Variants in IMMP2L observed in about 807,000 individuals in gnomAD.
IMMP2L encodes mitochondrial inner membrane protease subunit 2.
A neutral mutation model predicts 19.3 loss-of-function variants in IMMP2L; 18 were observed. The ratio of observed to expected loss-of-function variants is 0.93; its 90% CI spans 0.64 to 1.38. The LOEUF (loss-of-function observed/expected upper bound fraction) is 1.38. IMMP2L is among the 40% of genes most tolerant of loss of function. IMMP2L has a pLI of 0.00. For missense variants in IMMP2L, 233 were observed against 218.2 expected, an observed-to-expected ratio of 1.07 and a Z score of -0.43; for synonymous variants, 76 against 73.0, an observed-to-expected ratio of 1.04 and a Z score of -0.21.
intron 3 of IMMP2L, among the ~76,000 whole-genome samples, chr7:111,317,238 A>T (rs1981713): frequency 1.3e-5 from 2 of 152,100 alleles, no homozygotes; most frequent in African/African-American, 2.4e-5. Flanking sequence ...GTACCCACTC[A>T]GGCCTACCTC....
intron 3 of IMMP2L, among the ~76,000 whole-genome samples, chr7:111,012,112 T>C (rs1196694217): frequency 2.0e-5 from 3 of 152,074 alleles, no homozygotes; most frequent in African/African-American, 4.8e-5. Flanking sequence ...TTCTATTAGT[T>C]GAGGAGCTGA....
chr7:111,124,216 G>C (rs1801010302), intron 3 of IMMP2L: 1 of 1,613,910 alleles, frequency 6.2e-7, no homozygotes, highest in Non-Finnish European at 8.5e-7. Context: ...GGGAACACTA[G>C]ATATAAATGG....
chr7:111,370,277 A>G lies in IMMP2L; in HGVS notation c.239+116961T>C, dbSNP rs551392978. ...GGAGAGAGTCAGTGAGTCATTCTCT[A>G]TGATCCTTAATTTCCCCTCCAGTAA... On this transcript the variant is annotated intron_variant, in intron 3 of 5. Coordinates refer to ENST00000405709, the MANE Select transcript of IMMP2L (RefSeq NM_032549.4). Among the ~76,000 whole-genome samples, 68 of 152,056 alleles carry G rather than the reference A, an allele frequency of 4.5e-4. No homozygotes were observed. The South Asian group carries it at 0.014, about 31-fold the overall frequency.
intron 3 of IMMP2L, among the ~76,000 whole-genome samples, chr7:111,139,369 A>G (rs993818713): frequency 1.3e-5 from 2 of 152,130 alleles, no homozygotes; most frequent in Admixed American, 1.3e-4. Flanking sequence ...TTCAACAAGT[A>G]TTTACTGCCA....
chr7:111,384,320 A>G (rs1027257881), intron 3 of IMMP2L, among the ~76,000 whole-genome samples: 1 of 148,808 alleles, frequency 6.7e-6, no homozygotes, highest in Admixed American at 6.7e-5. Context: ...GGAAAAGGAG[A>G]AGGAGGAGGG....
chr7:110,839,682 T>C (rs1056010337), intron 5 of IMMP2L, among the ~76,000 whole-genome samples: 31 of 152,136 alleles, frequency 2.0e-4, no homozygotes, highest in Admixed American at 2.6e-4. Flanking sequence ...TATGTATGTG[T>C]TCCTATATTA....
intron 5 of IMMP2L, among the ~76,000 whole-genome samples, chr7:110,825,548 C>G (rs188869560): frequency 0.019 from 2,942 of 152,222 alleles, 62 homozygotes; most frequent in Non-Finnish European, 0.022. Context: ...CTACAACCAT[C>G]TGATCTTTGA....
intron 3 of IMMP2L, among the ~76,000 whole-genome samples, chr7:111,017,938 A>G (rs1825872133): frequency 6.6e-6 from 1 of 152,246 alleles, no homozygotes; most frequent in Non-Finnish European, 1.5e-5. Context: ...TCCCAAAGCA[A>G]CAAACCTACT....
chr7:110,699,603 T>G (rs1231095591), intron 5 of IMMP2L, among the ~76,000 whole-genome samples: 1 of 151,988 alleles, frequency 6.6e-6, no homozygotes, highest in Non-Finnish European at 1.5e-5. Context: ...AAACCTCATC[T>G]CTACTAAAAA....
At chr7:110,881,799 T>C (rs191727426) in intron 5 of IMMP2L, among the ~76,000 whole-genome samples, 12 of 149,272 alleles carry the variant, frequency 8.0e-5, no homozygotes, top group Non-Finnish European at 1.6e-4. Context: ...CTGAAACCCA[T>C]TAACCACTCT....
intron 3 of IMMP2L, among the ~76,000 whole-genome samples, chr7:111,281,160 A>AAGAC (rs1296967788): frequency 6.2e-3 from 129 of 20,868 alleles, no homozygotes; most frequent in South Asian, 0.016. Context: ...GAAAGACAGA[A>AAGAC]AGAAAGAAAG....
At chr7:111,555,704 A>G (rs1791210395) in intron 1 of IMMP2L, among the ~76,000 whole-genome samples, 1 of 151,978 alleles carries the variant, frequency 6.6e-6, no homozygotes, top group Non-Finnish European at 1.5e-5. Flanking sequence ...AGGTTTACCT[A>G]TCTTATGGCA....
chr7:111,031,429 T>C lies in IMMP2L; in HGVS notation c.240-67864A>G, dbSNP rs9640737. Among the ~76,000 whole-genome samples the C allele has an allele frequency of 7.0e-5, 7 of 99,336 alleles. No homozygotes were observed. In the East Asian group the frequency reaches 9.1e-4, roughly 13 times the overall value. The allele number at this position is 99,336 out of a possible 152,430, so 65.2% of individuals were successfully genotyped here. On this transcript the variant is annotated intron_variant, in intron 3 of 5. Transcript: ENST00000405709. ...GTGTGAGAGAAAGAGAAATCCTATA[T>C]TGATGTGGATATGTCAAAGGGACAC...
At chr7:111,063,019 C>T (rs2129574633) in intron 3 of IMMP2L, among the ~76,000 whole-genome samples, 1 of 152,356 alleles carries the variant, frequency 6.6e-6, no homozygotes, top group Middle Eastern at 3.4e-3. Context: ...CTCCACTAGG[C>T]AGTGCCCCAG....
intron 3 of IMMP2L, among the ~76,000 whole-genome samples, chr7:111,131,903 AC>A: frequency 6.6e-6 from 1 of 151,896 alleles, no homozygotes; most frequent in African/African-American, 2.4e-5. Flanking sequence ...ATGACTCAAC[AC>A]CAAGAGAAAT....
In IMMP2L at chr7:110,945,924, G is replaced by A. The variant is rs539034774; in HGVS notation, c.305+17576C>T. On this transcript the variant is annotated intron_variant, in intron 4 of 5. Transcript: ENST00000405709. ...ATTTAAGCTTAAGCACGGAGACAGT[G>A]GCAGCTCACTTGAAGACGACTTTGA... 5.3e-5 allele frequency among the ~76,000 whole-genome samples: 8 copies of A among 152,178 alleles called. No homozygotes were observed. In the South Asian group the frequency reaches 1.5e-3, roughly 28 times the overall value.
intron 5 of IMMP2L, among the ~76,000 whole-genome samples, chr7:110,693,503 GA>G (rs1275725067): frequency 6.6e-6 from 1 of 152,168 alleles, no homozygotes; most frequent in Non-Finnish European, 1.5e-5. Context: ...ACTAGGCTAT[GA>G]AACTATGGGA....
At chr7:110,720,484 T>C (rs910012324) in intron 5 of IMMP2L, among the ~76,000 whole-genome samples, 1 of 152,198 alleles carries the variant, frequency 6.6e-6, no homozygotes, top group African/African-American at 2.4e-5. Context: ...GGGAATATTG[T>C]CATAACTTTG....
chr7:111,165,290 A>G (rs922613992), intron 3 of IMMP2L, among the ~76,000 whole-genome samples: 3 of 152,034 alleles, frequency 2.0e-5, no homozygotes, highest in Admixed American at 1.3e-4. Context: ...TCAATTGTAC[A>G]TATACACCAC....
Sources: allele counts gnomAD v4.1 joint callset (sites outside exome capture counted in the v4.1 genomes callset), GRCh38; gene constraint gnomAD v4.1.1; transcripts MANE v1.5; gene names NCBI Gene and HGNC (gene_info 2026-07-23, HGNC 2026-07-21).